GALNT13: variants seen among roughly 807,000 people sequenced by gnomAD.
The protein encoded by GALNT13 is polypeptide N-acetylgalactosaminyltransferase 13.
A neutral mutation model predicts 64.2 loss-of-function variants in GALNT13; 28 were observed. The ratio of observed to expected loss-of-function variants is 0.44; its 90% CI spans 0.32 to 0.60. The LOEUF (loss-of-function observed/expected upper bound fraction) is 0.60. GALNT13 is among the 20% of genes least tolerant of loss of function. The probability of loss-of-function intolerance (pLI) is 0.05; values close to 1 mark genes in which losing one functional copy is unlikely to be tolerated. For missense variants in GALNT13, 577 were observed against 669.8 expected, an observed-to-expected ratio of 0.86 and a Z score of 1.53; for synonymous variants, 214 against 224.6, an observed-to-expected ratio of 0.95 and a Z score of 0.42.
chr2:154,046,657 A>T (rs933456846), intron 3 of GALNT13, among the ~76,000 whole-genome samples: 8 of 152,224 alleles, frequency 5.3e-5, no homozygotes, highest in African/African-American at 1.9e-4. Context: ...ATATTTGGAT[A>T]TAAGACTTTA....
At chr2:154,329,781 G>A (rs955565105) in intron 9 of GALNT13, among the ~76,000 whole-genome samples, 8 of 143,612 alleles carry the variant, frequency 5.6e-5, no homozygotes, top group African/African-American at 1.2e-4. Flanking sequence ...GAGAGAGCTG[G>A]TTGTTAAAAA....
At chr2:153,500,348 A>G in the GALNT13 span, among the ~76,000 whole-genome samples, 1,082 of 152,282 alleles carry the variant, frequency 7.1e-3, 7 homozygotes, top group African/African-American at 0.025. Flanking sequence ...GGACAGCTCA[A>G]AAGTCCTGAG....
chr2:153,951,222 G>T (rs895089907), intron 3 of GALNT13, among the ~76,000 whole-genome samples: 1 of 152,012 alleles, frequency 6.6e-6, no homozygotes, highest in East Asian at 1.9e-4. Flanking sequence ...TCTCTATGTG[G>T]ATAACTAAAT....
chr2:153,853,058 T>C, the GALNT13 span, among the ~76,000 whole-genome samples: 4 of 152,142 alleles, frequency 2.6e-5, no homozygotes, highest in African/African-American at 9.7e-5. Context: ...TGAGAGCCCC[T>C]GGCAAACCAC....
chr2:153,648,838 C>G, the GALNT13 span, among the ~76,000 whole-genome samples: 2 of 152,094 alleles, frequency 1.3e-5, no homozygotes, highest in Non-Finnish European at 2.9e-5. Context: ...GGTGGATAAG[C>G]TTTTTGATGT....
At chr2:153,582,854 A>G in the GALNT13 span, among the ~76,000 whole-genome samples, 42,172 of 152,062 alleles carry the variant, frequency 0.28, 6,336 homozygotes, top group East Asian at 0.45. Context: ...TTGTAACATT[A>G]CTGGCTGTAG....
intron 4 of GALNT13, among the ~76,000 whole-genome samples, chr2:154,150,075 A>G (rs551930984): frequency 6.6e-6 from 1 of 152,232 alleles, no homozygotes; most frequent in South Asian, 2.1e-4. Flanking sequence ...TGTCATAGAT[A>G]GCTCTTATTA....
chr2:153,969,851 T>C (rs921083298), intron 3 of GALNT13, among the ~76,000 whole-genome samples: 1 of 152,206 alleles, frequency 6.6e-6, no homozygotes, highest in African/African-American at 2.4e-5. Flanking sequence ...ATTTTACTTA[T>C]TTGGGGCATG....
the GALNT13 span, among the ~76,000 whole-genome samples, chr2:153,460,454 A>G: frequency 8.5e-5 from 13 of 152,132 alleles, no homozygotes; most frequent in Admixed American, 2.0e-4. Context: ...ACCTTTAGAT[A>G]GTTTTCAGTT....
At chr2:153,163,987 C>T in the GALNT13 span, among the ~76,000 whole-genome samples, 3 of 148,350 alleles carry the variant, frequency 2.0e-5, no homozygotes, top group African/African-American at 7.5e-5. Flanking sequence ...CACTGCACTC[C>T]AGCCTGGGCG....
chr2:153,129,779 A>AAT, the GALNT13 span, among the ~76,000 whole-genome samples: 6 of 151,978 alleles, frequency 3.9e-5, no homozygotes, highest in South Asian at 2.1e-4. Context: ...AAAAAAAAAA[A>AAT]GGAACCAATT....
At chr2:153,920,418 C>A (rs964003008) in intron 2 of GALNT13, among the ~76,000 whole-genome samples, 1 of 152,060 alleles carries the variant, frequency 6.6e-6, no homozygotes, top group Admixed American at 6.6e-5. Context: ...GCTGGGATAA[C>A]TGGCTAGCTA....
chr2:153,636,056 G>A, the GALNT13 span, among the ~76,000 whole-genome samples: 2 of 152,006 alleles, frequency 1.3e-5, no homozygotes, highest in African/African-American at 4.8e-5. Flanking sequence ...TTTCACATTT[G>A]GTGATTACAT....
the GALNT13 span, among the ~76,000 whole-genome samples, chr2:153,319,551 T>A: frequency 1.3e-5 from 2 of 152,212 alleles, no homozygotes; most frequent in African/African-American, 4.8e-5. Flanking sequence ...AGTGTTGGAA[T>A]TATAGGTGTG....
At chr2:153,278,991 T>G in the GALNT13 span, among the ~76,000 whole-genome samples, 30 of 152,320 alleles carry the variant, frequency 2.0e-4, no homozygotes, top group African/African-American at 6.5e-4. Flanking sequence ...TGTAGGAGCA[T>G]GGAATGATTT....
the GALNT13 span, among the ~76,000 whole-genome samples, chr2:153,782,792 T>A: frequency 1.3e-5 from 2 of 152,160 alleles, no homozygotes; most frequent in Admixed American, 6.5e-5. Context: ...CCTTTGGGAA[T>A]CATTATAAAA....
chr2:153,887,656 G>A (rs1313138974), intron 1 of GALNT13, among the ~76,000 whole-genome samples: 1 of 151,888 alleles, frequency 6.6e-6, no homozygotes, highest in Non-Finnish European at 1.5e-5. Context: ...ATCTAGCTGA[G>A]AACAAGGTTG....
intron 3 of GALNT13, among the ~76,000 whole-genome samples, chr2:154,000,115 G>A (rs749902748): frequency 2.6e-5 from 4 of 151,376 alleles, no homozygotes; most frequent in South Asian, 4.1e-4. Flanking sequence ...TTTCCAATTC[G>A]TTGGTATATA....
chr2:153,578,490 A>G, the GALNT13 span, among the ~76,000 whole-genome samples: 3 of 152,218 alleles, frequency 2.0e-5, no homozygotes, highest in Admixed American at 1.3e-4. Context: ...TGTGTTGAAA[A>G]TTCACAAAAA....
Sources: gnomAD v4.1 joint callset for allele counts (sites outside exome capture counted in the v4.1 genomes callset) on GRCh38, gnomAD v4.1.1 for gene constraint, MANE v1.5 for transcripts, NCBI Gene and HGNC (gene_info 2026-07-23, HGNC 2026-07-21) for gene names.